Variants in FANCC observed in about 807,000 individuals in gnomAD.
The protein encoded by FANCC is Fanconi anemia group C protein.
A neutral mutation model predicts 71.3 loss-of-function variants in FANCC; 55 were observed. The ratio of observed to expected loss-of-function variants is 0.77; its 90% CI spans 0.62 to 0.97. The LOEUF (loss-of-function observed/expected upper bound fraction) is 0.97. Among genes scored for constraint, FANCC ranks in the 50% least tolerant of loss-of-function variants. FANCC has a pLI of 0.00. For synonymous variants in FANCC, 275 were observed against 244.9 expected (o/e 1.12, Z -1.15); for missense variants, 678 against 670.9 (o/e 1.01, Z -0.12).
At chr9:95,208,975 T>C (rs1274767494) in intron 4 of FANCC, among the ~76,000 whole-genome samples, 4 of 152,230 alleles carry the variant, frequency 2.6e-5, no homozygotes, top group Non-Finnish European at 5.9e-5. Context: ...TAAACACAGA[T>C]GTTTTACTCA....
intron 1 of FANCC, among the ~76,000 whole-genome samples, chr9:95,287,581 C>T (rs887591219): frequency 2.0e-5 from 3 of 152,122 alleles, no homozygotes; most frequent in Non-Finnish European, 4.4e-5. Context: ...TCTGCCTCTG[C>T]CAAAGGATAA....
intron 4 of FANCC, among the ~76,000 whole-genome samples, chr9:95,230,104 A>AT (rs397689825): frequency 3.4e-4 from 51 of 151,240 alleles, no homozygotes; most frequent in Non-Finnish European, 4.3e-4. Flanking sequence ...TAAAAAAAAA[A>AT]TTTTTTTAAG....
Position 95,107,558 on chromosome 9 carries a change from G to A in FANCC, c.1330-289C>T, listed in dbSNP as rs377046511. The A allele has an allele frequency of 4.5e-4, 236 of 520,064 alleles. 1 individual carries two copies. The highest frequency in any genetic ancestry group is 4.0e-3 in the African/African-American group (211 of 52,770). 32.2% of individuals were successfully genotyped at this position (520,064 alleles called of 1,614,324 possible). Reference sequence around the variant, plus strand: ...AACAGAGAAAAGTTCTCAACAGAATGTAGTCAGATTTTTATATTGTGGGAA... The same window carrying A: ...AACAGAGAAAAGTTCTCAACAGAATATAGTCAGATTTTTATATTGTGGGAA... On this transcript the variant is annotated intron_variant, in intron 13 of 14. Transcript: ENST00000289081.
chr9:95,218,696 A>G (rs772173182), intron 4 of FANCC, among the ~76,000 whole-genome samples: 4 of 152,346 alleles, frequency 2.6e-5, no homozygotes, highest in Admixed American at 6.5e-5. Context: ...AGAATAGTAT[A>G]AAGAAGAAAA....
chr9:95,178,167 TG>T (rs1457101501), intron 4 of FANCC, among the ~76,000 whole-genome samples: 1 of 152,134 alleles, frequency 6.6e-6, no homozygotes, highest in Non-Finnish European at 1.5e-5. Flanking sequence ...TAGTCTCTTC[TG>T]TAGTGAAAAT....
At chr9:95,128,853 G>A (rs1408687148) in intron 8 of FANCC, among the ~76,000 whole-genome samples, 1 of 151,902 alleles carries the variant, frequency 6.6e-6, no homozygotes, top group Non-Finnish European at 1.5e-5. Context: ...AGGCCAGGAG[G>A]CAGGGGAACC....
intron 1 of FANCC, among the ~76,000 whole-genome samples, chr9:95,288,582 C>T (rs1042252448): frequency 6.6e-6 from 1 of 152,158 alleles, no homozygotes; most frequent in Non-Finnish European, 1.5e-5. Flanking sequence ...TGAGTCCCAG[C>T]ACTTGGCTCA....
At chr9:95,134,650 T>G (rs914043303) in intron 8 of FANCC, among the ~76,000 whole-genome samples, 2 of 152,242 alleles carry the variant, frequency 1.3e-5, no homozygotes, top group Non-Finnish European at 2.9e-5. Context: ...CCTTGGTCTT[T>G]ATTCCTGTCC....
intron 1 of FANCC, among the ~76,000 whole-genome samples, chr9:95,267,431 C>A (rs930335897): frequency 9.9e-5 from 15 of 152,134 alleles, no homozygotes; most frequent in Non-Finnish European, 1.5e-4. Flanking sequence ...CAGACAGAGA[C>A]AAGCAGAATG....
intron 4 of FANCC, among the ~76,000 whole-genome samples, chr9:95,205,239 GT>G (rs1374189078): frequency 6.6e-6 from 1 of 151,918 alleles, no homozygotes; most frequent in Non-Finnish European, 1.5e-5. Context: ...ATCAGCTTAT[GT>G]AAAAAAAGGT....
chr9:95,225,911 C>T (rs1335985098), intron 4 of FANCC, among the ~76,000 whole-genome samples: 2 of 152,160 alleles, frequency 1.3e-5, no homozygotes, highest in Admixed American at 1.3e-4. Flanking sequence ...ACCACTCCCA[C>T]AAAACATGCA....
At chr9:95,145,100 C>T (rs1829349343) in intron 7 of FANCC, among the ~76,000 whole-genome samples, 1 of 152,040 alleles carries the variant, frequency 6.6e-6, no homozygotes, top group Non-Finnish European at 1.5e-5. Flanking sequence ...GGATTATAAC[C>T]TTTCATATAA....
At chr9:95,249,049 G>C in intron 2 of FANCC, 78 bp downstream of exon 2, 1 of 1,487,444 alleles carries the variant, frequency 6.7e-7, no homozygotes, top group Non-Finnish European at 9.3e-7. Context: ...CCGATTCTGG[G>C]TGGCATTCTG....
chr9:95,176,732 T>C (rs1826032527), intron 4 of FANCC, among the ~76,000 whole-genome samples: 1 of 152,240 alleles, frequency 6.6e-6, no homozygotes, highest in Non-Finnish European at 1.5e-5. Context: ...CTTAAAAAAT[T>C]AGAGCGCAAG....
chr9:95,215,019 G>C (rs1056653605), intron 4 of FANCC, among the ~76,000 whole-genome samples: 1 of 151,950 alleles, frequency 6.6e-6, no homozygotes, highest in Non-Finnish European at 1.5e-5. Context: ...AAAAATATAT[G>C]ATAAAAAGTT....
chr9:95,310,387 G>C (rs935197553), intron 1 of FANCC, among the ~76,000 whole-genome samples: 2 of 151,910 alleles, frequency 1.3e-5, no homozygotes, highest in African/African-American at 4.8e-5. Context: ...AAAAAGGAGG[G>C]GGGGAATTCG....
At chr9:95,274,007 T>C (rs935749796) in intron 1 of FANCC, among the ~76,000 whole-genome samples, 2 of 152,202 alleles carry the variant, frequency 1.3e-5, no homozygotes, top group African/African-American at 4.8e-5. Flanking sequence ...AATTTGTAAA[T>C]AGAGAGTAGG....
intron 4 of FANCC, among the ~76,000 whole-genome samples, chr9:95,222,760 T>C (rs1030813673): frequency 1.3e-5 from 2 of 152,202 alleles, no homozygotes; most frequent in Non-Finnish European, 2.9e-5. Context: ...TATGATTCCA[T>C]AATCCTAACA....
At chr9:95,279,333 A>G (rs989238505) in intron 1 of FANCC, among the ~76,000 whole-genome samples, 2 of 151,420 alleles carry the variant, frequency 1.3e-5, no homozygotes, top group Non-Finnish European at 1.5e-5. Flanking sequence ...AAAAAAAGAA[A>G]AAAAAAATCA....
Sources: allele counts gnomAD v4.1 joint callset (sites outside exome capture counted in the v4.1 genomes callset), GRCh38; gene constraint gnomAD v4.1.1; transcripts MANE v1.5; gene names NCBI Gene and HGNC (gene_info 2026-07-23, HGNC 2026-07-21).